Variants in RIGI observed in about 807,000 individuals in gnomAD.
RIGI encodes RNA sensor RIG-I, also known as antiviral innate immune response receptor RIG-I.
chr9:32,471,375 G>C, the RIGI span, among the ~76,000 whole-genome samples: 231 of 152,240 alleles, frequency 1.5e-3, 1 homozygote, highest in Non-Finnish European at 2.8e-3. Flanking sequence ...ACTAAACAAT[G>C]AGCATCTCTG....
At chr9:32,480,348 T>C in the RIGI span, 1 of 1,585,462 alleles carries the variant, frequency 6.3e-7, no homozygotes, top group African/African-American at 1.3e-5. Flanking sequence ...AGGGCATCAT[T>C]ATATTTCTGT....
chr9:32,470,022 T>G, the RIGI span, among the ~76,000 whole-genome samples: 1 of 152,228 alleles, frequency 6.6e-6, no homozygotes, highest in Non-Finnish European at 1.5e-5. Context: ...TCATGAAAAT[T>G]CAAATGCAGG....
At chr9:32,472,388 G>C in the RIGI span, among the ~76,000 whole-genome samples, 1 of 152,200 alleles carries the variant, frequency 6.6e-6, no homozygotes, top group African/African-American at 2.4e-5. Flanking sequence ...TTTGGCATTT[G>C]AGCATTGTGA....
chr9:32,520,582 T>G, the RIGI span, among the ~76,000 whole-genome samples: 1 of 152,132 alleles, frequency 6.6e-6, no homozygotes. Flanking sequence ...TTAAAACCAT[T>G]CAATCCCTCT....
the RIGI span, among the ~76,000 whole-genome samples, chr9:32,524,596 G>GTTTTTTTTTTTTTTTTTTTTTTTTTTTT: frequency 1.2e-4 from 8 of 67,582 alleles, 2 homozygotes; most frequent in African/African-American, 2.4e-4. Flanking sequence ...TTGTTTTTCG[G>GTTTTTTTTTTTTTTTTTTTTTTTTTTTT]TTTTTTTTTT....
the RIGI span, chr9:32,480,314 A>G: frequency 1.9e-6 from 3 of 1,609,642 alleles, no homozygotes; most frequent in Non-Finnish European, 2.5e-6. Context: ...AGCATCTTTC[A>G]TTCGTGCATG....
At chr9:32,493,672 C>T in the RIGI span, 2 of 855,036 alleles carry the variant, frequency 2.3e-6, no homozygotes, top group Non-Finnish European at 3.5e-6. Flanking sequence ...TTTCAATGAT[C>T]TTTCTCAGGT....
the RIGI span, chr9:32,485,307 GA>G: frequency 3.5e-6 from 5 of 1,436,612 alleles, no homozygotes; most frequent in East Asian, 2.3e-5. Context: ...AAAAGAAAAA[GA>G]AAAAAAGAGT....
chr9:32,485,207 T>G, the RIGI span: 1 of 1,607,258 alleles, frequency 6.2e-7, no homozygotes, highest in Non-Finnish European at 8.5e-7. Flanking sequence ...TGCCAGACTC[T>G]CTGTGTCCCT....
At chr9:32,478,066 A>T in the RIGI span, among the ~76,000 whole-genome samples, 2 of 149,982 alleles carry the variant, frequency 1.3e-5, no homozygotes, top group Admixed American at 1.3e-4. Context: ...TTTTTTCCTG[A>T]GATGGAGTCT....
chr9:32,525,306 T>C, the RIGI span, among the ~76,000 whole-genome samples: 6 of 152,304 alleles, frequency 3.9e-5, no homozygotes, highest in South Asian at 2.1e-4. Flanking sequence ...GCGGGTTACA[T>C]AGTGGCACCC....
the RIGI span, among the ~76,000 whole-genome samples, chr9:32,467,228 T>G: frequency 6.6e-6 from 1 of 151,868 alleles, no homozygotes; most frequent in Admixed American, 6.5e-5. Flanking sequence ...AGGTGTTGGA[T>G]TTTGGAAACT....
the RIGI span, among the ~76,000 whole-genome samples, chr9:32,481,040 G>C: frequency 6.6e-6 from 1 of 152,152 alleles, no homozygotes; most frequent in Non-Finnish European, 1.5e-5. Context: ...CTTGTATCTG[G>C]AATAATGTTC....
the RIGI span, among the ~76,000 whole-genome samples, chr9:32,462,795 C>T: frequency 6.6e-6 from 1 of 152,178 alleles, no homozygotes; most frequent in African/African-American, 2.4e-5. Context: ...ATGATCCTCC[C>T]ATGTAGCTGG....
the RIGI span, chr9:32,459,607 C>T: frequency 6.0e-6 from 7 of 1,164,054 alleles, no homozygotes; most frequent in Non-Finnish European, 8.3e-6. Flanking sequence ...TACATGCACG[C>T]ACATGTATAA....
chr9:32,481,115 A>G, the RIGI span, among the ~76,000 whole-genome samples: 1 of 152,170 alleles, frequency 6.6e-6, no homozygotes, highest in Non-Finnish European at 1.5e-5. Context: ...ATAGAATCTG[A>G]GCCTTTATTT....
chr9:32,524,855 C>T, the RIGI span, among the ~76,000 whole-genome samples: 1 of 152,014 alleles, frequency 6.6e-6, no homozygotes, highest in Admixed American at 6.5e-5. Flanking sequence ...CCCGCCTAGG[C>T]CTCCCAAAGT....
the RIGI span, among the ~76,000 whole-genome samples, chr9:32,520,901 T>C: frequency 2.0e-5 from 3 of 150,958 alleles, no homozygotes; most frequent in African/African-American, 7.3e-5. Context: ...ATCCCAGCAC[T>C]TTGGGAGGCC....
chr9:32,482,383 C>T, the RIGI span, among the ~76,000 whole-genome samples: 3 of 152,152 alleles, frequency 2.0e-5, no homozygotes, highest in Non-Finnish European at 2.9e-5. Flanking sequence ...ACAGCAAGTA[C>T]GTGGAGAAAG....
Sources: allele counts gnomAD v4.1 joint callset (sites outside exome capture counted in the v4.1 genomes callset), GRCh38; gene constraint gnomAD v4.1.1; transcripts MANE v1.5; gene names NCBI Gene and HGNC (gene_info 2026-07-23, HGNC 2026-07-21).